Variants in PCNA observed in about 807,000 individuals in gnomAD.
PCNA encodes DNA sliding clamp PCNA.
A neutral mutation model predicts 27.8 loss-of-function variants in PCNA; 4 were observed. The observed-to-expected ratio is 0.14, with a 90% confidence interval of 0.07 to 0.33. PCNA has a LOEUF of 0.33. Among genes scored for constraint, PCNA ranks in the 10% least tolerant of loss-of-function variants. The probability of loss-of-function intolerance (pLI) is 1.00; values close to 1 mark genes in which losing one functional copy is unlikely to be tolerated. For synonymous variants in PCNA, 121 were observed against 119.4 expected (o/e 1.01, Z -0.09); for missense variants, 165 against 327.4 (o/e 0.50, Z 3.83).
chr20:5,123,363 C>T (rs1206056069), upstream of PCNA, among the ~76,000 whole-genome samples: 1 of 152,050 alleles, frequency 6.6e-6, no homozygotes, highest in Non-Finnish European at 1.5e-5. Context: ...AAATTTTGAT[C>T]AGATAATTGG....
At position 5,115,542 on chromosome 20, in the gene PCNA, G is replaced by A. The variant is rs2090468903; in HGVS notation, c.613C>T (p.Leu205=). Residue 205 remains leucine, a synonymous_variant, in exon 5 of 6, where the codon CTA becomes TTA. Coordinates refer to ENST00000379143, the MANE Select transcript of PCNA (RefSeq NM_182649.2). ...VTIEMNEPVQ[L]TFALRYLNFF... ...TTCAGGTACCTCAGTGCAAAAGTTA[G>A]TTGAACTGGTTCATTCATCTCTATG... 1 of 1,613,712 alleles carries A rather than the reference G, an allele frequency of 6.2e-7. No individual in the cohort carries two copies. Among genetic ancestry groups the A allele is most frequent in the Non-Finnish European group, 8.5e-7 (1 of 1,179,658 alleles).
Position 5,119,571 on chromosome 20 carries a change from G to A in PCNA, c.221+7C>T, listed in dbSNP as rs1282416145. On this transcript the variant is annotated splice_region_variant and intron_variant, in intron 1 of 5. Coordinates refer to ENST00000379143, the MANE Select transcript of PCNA (RefSeq NM_182649.2). ...CGGGGCCGGCTTCCCGGGGCCGCGAGGCTCACCTGGTGAGGTTCACGCCCA... is the reference window on the plus strand; with the variant it reads ...CGGGGCCGGCTTCCCGGGGCCGCGAAGCTCACCTGGTGAGGTTCACGCCCA... The A allele has an allele frequency of 2.5e-6, 4 of 1,607,584 alleles. No homozygotes were observed. Among genetic ancestry groups the A allele is most frequent in the African/African-American group, 1.3e-5 (1 of 74,842 alleles).
At chr20:5,118,518 C>T in intron 3 of PCNA, 92 bp downstream of exon 3, 1 of 953,634 alleles carries the variant, frequency 1.0e-6, no homozygotes, top group Non-Finnish European at 1.6e-6. Context: ...GCAACAGAGC[C>T]AAGACCCTGT....
intron 1 of PCNA, among the ~76,000 whole-genome samples, 173 bp from the exon 2 acceptor site, chr20:5,119,039 C>T (rs2090496621): frequency 6.6e-6 from 1 of 152,086 alleles, no homozygotes; most frequent in Non-Finnish European, 1.5e-5. Flanking sequence ...TGGGACGCAT[C>T]TGGCAGTATT....
At chr20:5,116,195 T>G (rs1568518899) in intron 4 of PCNA, among the ~76,000 whole-genome samples, 1 of 152,170 alleles carries the variant, frequency 6.6e-6, no homozygotes, top group Non-Finnish European at 1.5e-5. Context: ...CTAGGTGTGT[T>G]GGCACACACC....
upstream of PCNA, among the ~76,000 whole-genome samples, chr20:5,124,456 C>T (rs189175587): frequency 2.6e-3 from 393 of 152,006 alleles, no homozygotes; most frequent in African/African-American, 9.1e-3. Context: ...ACCTAAAACC[C>T]CTGTCTCTAC....
At chr20:5,118,901 G>T in intron 1 of PCNA, 35 bp from the exon 2 acceptor site, 4 of 1,441,136 alleles carry the variant, frequency 2.8e-6, no homozygotes, top group Non-Finnish European at 3.9e-6. Flanking sequence ...TAAAATCAAC[G>T]CCGTCTGCTG....
At chr20:5,125,047 A>C (rs1398127514) in intron 1 of PCNA, among the ~76,000 whole-genome samples, 1 of 152,178 alleles carries the variant, frequency 6.6e-6, no homozygotes, top group Non-Finnish European at 1.5e-5. Context: ...CTGTCTTAGA[A>C]GATCATCTTG....
chr20:5,119,925 A>C lies in PCNA; in HGVS notation c.-127T>G, dbSNP rs73602867. ...ACGACCGGCTGAGACCTAGAAAGACAACGACCACTCTGCTACGCCTGCAAC... is the reference window on the plus strand; with the variant it reads ...ACGACCGGCTGAGACCTAGAAAGACCACGACCACTCTGCTACGCCTGCAAC... On this transcript the variant is annotated 5_prime_UTR_variant, in exon 1 of 6. Coordinates refer to ENST00000379143, the MANE Select transcript of PCNA (RefSeq NM_182649.2). 7.2e-5 allele frequency: 51 copies of C among 710,808 alleles called. No individual in the cohort carries two copies. In the African/African-American group the frequency reaches 8.3e-4, roughly 12 times the overall value. 44.0% of individuals were successfully genotyped at this position (710,808 alleles called of 1,614,324 possible). A position where few individuals can be genotyped will look rare whatever the true frequency, so the allele number is the denominator to read the frequency against.
chr20:5,125,534 C>T (rs8117209), intron 1 of PCNA, among the ~76,000 whole-genome samples: 22,496 of 152,006 alleles, frequency 0.15, 2,229 homozygotes, highest in African/African-American at 0.28. Context: ...TTTTAAAAAA[C>T]GAAATTGCAA....
chr20:5,117,445 TTC>T (rs2090483080), intron 4 of PCNA, 23 bp downstream of exon 4: 1 of 1,527,478 alleles, frequency 6.5e-7, no homozygotes, highest in Non-Finnish European at 9.0e-7. Flanking sequence ...TCAAACTATT[TTC>T]TTTTTACTTA....
intron 4 of PCNA, 23 bp from the exon 5 acceptor site, chr20:5,115,595 T>A (rs372064379): frequency 6.2e-7 from 1 of 1,603,440 alleles, no homozygotes; most frequent in Non-Finnish European, 8.5e-7. Flanking sequence ...AGATTCATCA[T>A]TGAAAAACAT....
At chr20:5,120,105 G>A (rs1241691468), upstream of PCNA, 1 of 359,588 alleles carries the variant, frequency 2.8e-6, no homozygotes, top group Non-Finnish European at 5.3e-6. Flanking sequence ...ATACATTGGA[G>A]GAAGCGGGCG....
chr20:5,119,633 C>G lies in PCNA; in HGVS notation c.166G>C (p.Gly56Arg). The change falls in exon 1 of 6, where the codon GGC becomes CGC. Residue 56 changes from glycine to arginine, a missense_variant. Coordinates refer to ENST00000379143, the MANE Select transcript of PCNA (RefSeq NM_182649.2). The stretch of plus-strand genomic sequence containing the variant: ...CGGTCGCAGCGGTAGGTGTCGAAGC[C>G]CTCAGACCGCAGGGTGAGCTGCACC... Reference protein sequence around the residue: ...SLVQLTLRSEGFDTYRCDRNL... With the variant: ...SLVQLTLRSERFDTYRCDRNL... 1 of 1,613,804 alleles carries G rather than the reference C, an allele frequency of 6.2e-7. No individual in the cohort carries two copies. The highest frequency in any genetic ancestry group is 8.5e-7 in the Non-Finnish European group (1 of 1,179,964).
upstream of PCNA, among the ~76,000 whole-genome samples, chr20:5,124,497 G>A (rs1453047620): frequency 6.6e-6 from 1 of 152,044 alleles, no homozygotes. Flanking sequence ...AGCTGTGGTG[G>A]CGGGCGCCTG....
At chr20:5,125,240 T>C (rs1055792790) in intron 1 of PCNA, among the ~76,000 whole-genome samples, 1 of 152,234 alleles carries the variant, frequency 6.6e-6, no homozygotes, top group African/African-American at 2.4e-5. Context: ...CTCGGGCATA[T>C]ACTCATATAG....
rs1019580448 is a variant in PCNA, at chr20:5,119,945, T to G, written c.-147A>C. Reference sequence around the variant, plus strand: ...AAGACAACGACCACTCTGCTACGCCTGCAACCGTTTAATGCCGCCGCGTCC... The same window carrying G: ...AAGACAACGACCACTCTGCTACGCCGGCAACCGTTTAATGCCGCCGCGTCC... On this transcript the variant is annotated 5_prime_UTR_variant, in exon 1 of 6. Transcript: ENST00000379143. The G allele has an allele frequency of 1.4e-5, 9 of 648,928 alleles. No homozygotes were observed. Among genetic ancestry groups the G allele is most frequent in the Admixed American group, 2.7e-5 (1 of 37,096 alleles). 40.2% of individuals were successfully genotyped at this position (648,928 alleles called of 1,614,324 possible).
chr20:5,118,746 C>T, intron 2 of PCNA, 23 bp downstream of exon 2: 1 of 1,610,366 alleles, frequency 6.2e-7, no homozygotes, highest in Non-Finnish European at 8.5e-7. Flanking sequence ...AGCTTCGTGA[C>T]TCGGTAAAAA....
chr20:5,116,392 A>T (rs763111920), intron 4 of PCNA, among the ~76,000 whole-genome samples: 3 of 152,214 alleles, frequency 2.0e-5, no homozygotes, highest in African/African-American at 7.2e-5. Context: ...GTGATTCAGG[A>T]AACAGATAAA....
Sources: allele counts gnomAD v4.1 joint callset (sites outside exome capture counted in the v4.1 genomes callset), GRCh38; gene constraint gnomAD v4.1.1; transcripts MANE v1.5; gene names NCBI Gene and HGNC (gene_info 2026-07-23, HGNC 2026-07-21).